The following SF3B1 variants were observed in gnomAD, a reference collection of about 807,000 sequenced individuals.
SF3B1 encodes the protein pre-mRNA processing 10.
SF3B1 carries 12 observed loss-of-function variants against 153.8 expected under a neutral mutation model. The observed-to-expected ratio is 0.08, with a 90% CI of 0.05 to 0.13. SF3B1 has a LOEUF of 0.13. Among genes scored for constraint, SF3B1 ranks in the 10% least tolerant of loss-of-function variants. The probability of loss-of-function intolerance (pLI) is 1.00; values close to 1 mark genes in which losing one functional copy is unlikely to be tolerated. For synonymous variants in SF3B1, 498 were observed against 525.2 expected (o/e 0.95, Z 0.71); for missense variants, 513 against 1,606.1 (o/e 0.32, Z 11.63).
intron 2 of SF3B1, among the ~76,000 whole-genome samples, chr2:197,421,435 C>A (rs2085240780): frequency 1.3e-5 from 2 of 152,094 alleles, no homozygotes; most frequent in African/African-American, 4.8e-5. Context: ...TCACAGAAGA[C>A]AAAATGTTTT....
intron 7 of SF3B1, among the ~76,000 whole-genome samples, chr2:197,409,253 G>A (rs949383949): frequency 6.6e-6 from 1 of 152,110 alleles, no homozygotes; most frequent in African/African-American, 2.4e-5. Context: ...TACAAAATTA[G>A]CCGGGCTTGG....
At chr2:197,431,064 C>G (rs1008777129) in intron 1 of SF3B1, among the ~76,000 whole-genome samples, 2 of 151,142 alleles carry the variant, frequency 1.3e-5, no homozygotes, top group African/African-American at 4.9e-5. Context: ...TGCTCCCCAC[C>G]AATTCTGTCC....
rs1452176047 is a variant in SF3B1 at position 197,389,969 on chromosome 2, T to C, written c.*2334A>G. 1 of 152,244 alleles carries C rather than the reference T, an allele frequency of 6.6e-6. No individual in the cohort carries two copies. The highest frequency in any genetic ancestry group is 1.5e-5 in the Non-Finnish European group (1 of 68,030). The allele number at this position is 152,244 out of a possible 1,614,324, so 9.4% of individuals were successfully genotyped here. On this transcript the variant is annotated 3_prime_UTR_variant, in exon 25 of 25. Coordinates refer to ENST00000335508, the MANE Select transcript of SF3B1 (RefSeq NM_012433.4). ...ACCCACCCTGTCTCCTTAAGAACAT[T>C]TCTTTGTTTGGCTTTAAGAAACACC...
rs2084945876 is a variant in SF3B1 at position 197,402,487 on chromosome 2, C to G, written c.2077+69G>C. On this transcript the variant is annotated intron_variant, in intron 14 of 24. Coordinates refer to ENST00000335508, the MANE Select transcript of SF3B1 (RefSeq NM_012433.4). This position sits in a 1 kb window ranked among gnomAD's most constrained non-coding sequence, Gnocchi z 4.6. ...TTGAGCCCAAAGGTTTGAGTCCAGT[C>G]TGGGCAACATAGTAAGACCCTGTCT... is the stretch of plus-strand genomic sequence containing the variant. 2.1e-6 allele frequency: 3 copies of G among 1,411,102 alleles called. No homozygotes were observed. Among genetic ancestry groups the G allele is most frequent in the South Asian group, 2.6e-5 (2 of 77,546 alleles). The allele number at this position is 1,411,102 out of a possible 1,614,324, so 87.4% of individuals were successfully genotyped here. A position where few individuals can be genotyped will look rare whatever the true frequency, so the allele number is the denominator to read the frequency against.
chr2:197,396,351 C>A (rs760696286), intron 22 of SF3B1, 23 bp from the exon 23 acceptor site: 2 of 1,583,244 alleles, frequency 1.3e-6, no homozygotes, highest in South Asian at 2.3e-5. Flanking sequence ...AATGGGTCAA[C>A]AAGCTGTTAC....
At chr2:197,403,403 G>T (rs2084955641) in intron 12 of SF3B1, among the ~76,000 whole-genome samples, 182 bp downstream of exon 12, 1 of 152,072 alleles carries the variant, frequency 6.6e-6, no homozygotes. Flanking sequence ...TAAATAATAT[G>T]AACCTCTTAC....
chr2:197,434,028 G>A (rs1055845522), intron 1 of SF3B1, among the ~76,000 whole-genome samples: 1 of 151,264 alleles, frequency 6.6e-6, no homozygotes, highest in Non-Finnish European at 1.5e-5. Context: ...CTATCAGACT[G>A]TAAAATTTTG....
intron 6 of SF3B1, among the ~76,000 whole-genome samples, chr2:197,416,134 A>T (rs982203011): frequency 3.5e-5 from 5 of 142,298 alleles, no homozygotes; most frequent in African/African-American, 7.6e-5. Flanking sequence ...ACAAATGTTT[A>T]AAAAAAAAAA....
chr2:197,394,557 T>C (rs2084853628), intron 23 of SF3B1, among the ~76,000 whole-genome samples: 1 of 152,224 alleles, frequency 6.6e-6, no homozygotes, highest in African/African-American at 2.4e-5. Context: ...TCCACAATTA[T>C]TCAACCAAGT....
chr2:197,434,978 G>A lies in SF3B1; in HGVS notation c.22C>T (p.His8Tyr), dbSNP rs199519570. 1 of 1,614,234 alleles carries A rather than the reference G, an allele frequency of 6.2e-7. No homozygotes were observed. The highest frequency in any genetic ancestry group is 8.5e-7 in the Non-Finnish European group (1 of 1,179,988). MAKIAKT[H>Y]EDIEAQIREI... ...GCAGGGAAAGACCGCTTACCTTCGT[G>A]AGTCTTGGCGATCTTCGCCATTTTG... Residue 8 changes from histidine to tyrosine, a missense_variant, in exon 1 of 25, where the codon CAC (histidine) becomes TAC (tyrosine). Physicochemically the swap from His to Tyr is moderately conservative, Grantham distance 83 (BLOSUM62 2). Coordinates refer to ENST00000335508, the MANE Select transcript of SF3B1 (RefSeq NM_012433.4).
intron 21 of SF3B1, among the ~76,000 whole-genome samples, 164 bp downstream of exon 21, chr2:197,398,297 C>A (rs971340429): frequency 6.6e-6 from 1 of 152,108 alleles, no homozygotes; most frequent in African/African-American, 2.4e-5. Context: ...CATTGCCACC[C>A]CCATTACCAT....
rs143087791 is a variant in SF3B1 at position 197,420,661 on chromosome 2, T to C, written c.301-119A>G. Reference sequence around the variant, plus strand: ...GTTTAATACATGCCTACTAATATTCTGTACCGTTTCACAGATAAATGTTAA... The same window carrying C: ...GTTTAATACATGCCTACTAATATTCCGTACCGTTTCACAGATAAATGTTAA... On this transcript the variant is annotated intron_variant, in intron 3 of 24. Coordinates refer to ENST00000335508, the MANE Select transcript of SF3B1 (RefSeq NM_012433.4). The C allele has an allele frequency of 2.4e-4, 148 of 608,236 alleles. No homozygotes were observed. The African/African-American group carries it at 2.5e-3, about 10-fold the overall frequency. The allele number at this position is 608,236 out of a possible 1,614,324, so 37.7% of individuals were successfully genotyped here.
intron 4 of SF3B1, 106 bp from the exon 5 acceptor site, chr2:197,418,694 T>C: frequency 2.7e-6 from 4 of 1,457,802 alleles, no homozygotes; most frequent in Middle Eastern, 1.9e-4. Context: ...TCCATAATCA[T>C]TTAAATTATT....
chr2:197,434,950 T>C, intron 1 of SF3B1, 22 bp downstream of exon 1: 1 of 1,612,466 alleles, frequency 6.2e-7, no homozygotes, highest in Non-Finnish European at 8.5e-7. Context: ...AGAAAACACG[T>C]AAGCAGGGAA....
At chr2:197,434,344 TTA>T (rs1175282923) in intron 1 of SF3B1, among the ~76,000 whole-genome samples, 19 of 152,296 alleles carry the variant, frequency 1.2e-4, no homozygotes, top group South Asian at 4.1e-4. Context: ...TGAAAGTAAT[TTA>T]TGTTTTCCTC....
chr2:197,400,627 T>G lies in SF3B1; in HGVS notation c.2718+88A>C, dbSNP rs1413794454. On this transcript the variant is annotated intron_variant, in intron 18 of 24. Transcript: ENST00000335508. The surrounding 1 kb of genome is among the most constrained non-coding windows in gnomAD (Gnocchi z 5.0). ...TTTTAAAAATTACTTCAAATTCAATTGCATTCTAGAAAAATTTGCTTGACA... is the reference window on the plus strand; with the variant it reads ...TTTTAAAAATTACTTCAAATTCAATGGCATTCTAGAAAAATTTGCTTGACA... 1 of 1,105,732 alleles carries G rather than the reference T, an allele frequency of 9.0e-7. No homozygotes were observed. Among genetic ancestry groups the G allele is most frequent in the Non-Finnish European group, 1.3e-6 (1 of 765,320 alleles). The allele number at this position is 1,105,732 out of a possible 1,614,324, so 68.5% of individuals were successfully genotyped here.
At chr2:197,399,099 G>A in intron 20 of SF3B1, 2 of 1,285,818 alleles carry the variant, frequency 1.6e-6, no homozygotes, top group African/African-American at 1.5e-5. Context: ...AGAATCACTT[G>A]CTCTGATTCT....
chr2:197,390,048 G>A lies in SF3B1; in HGVS notation c.*2255C>T, dbSNP rs571006187. On this transcript the variant is annotated 3_prime_UTR_variant, in exon 25 of 25. Transcript: ENST00000335508. ...GAGAAGATAGGTAAAACTTCACATA[G>A]CGTCTTCCACATATCACAAAATGCT... 41 of 152,280 alleles carry A rather than the reference G, an allele frequency of 2.7e-4. No homozygotes were observed. Among genetic ancestry groups the A allele is most frequent in the Non-Finnish European group, 4.9e-4 (33 of 68,022 alleles). The allele number at this position is 152,280 out of a possible 1,614,324, so 9.4% of individuals were successfully genotyped here.
In SF3B1 at chr2:197,398,584, A is replaced by G. The variant is rs1326353381; in HGVS notation, c.3014-3T>C. On this transcript the variant is annotated splice_region_variant and splice_polypyrimidine_tract_variant and intron_variant, in intron 20 of 24. Transcript: ENST00000335508. ...TGGTGGAGTCATCTTATGCATACCT[A>G]TTTAATAGAAGTCAATAAACTATCA... 3.7e-6 allele frequency: 6 copies of G among 1,608,826 alleles called. No individual in the cohort carries two copies. Among genetic ancestry groups the G allele is most frequent in the Non-Finnish European group, 5.1e-6 (6 of 1,178,416 alleles).
Sources: allele counts gnomAD v4.1 joint callset (sites outside exome capture counted in the v4.1 genomes callset), GRCh38; gene constraint gnomAD v4.1.1; non-coding constraint Gnocchi (gnomAD v3.1); transcripts MANE v1.5; gene names NCBI Gene and HGNC (gene_info 2026-07-23, HGNC 2026-07-21).